Variants in ZMIZ1 observed in about 807,000 individuals in gnomAD.
The protein encoded by ZMIZ1 is zinc finger MIZ-type containing 1.
Under a neutral mutation model 113.9 loss-of-function variants are expected in ZMIZ1, and 17 were observed. That is an observed-to-expected ratio of 0.15 (90% CI 0.10 to 0.22). ZMIZ1 has a LOEUF of 0.22. Ranked by LOEUF, ZMIZ1 falls within the 10% of genes least tolerant of loss-of-function variation. The pLI is 1.00. For synonymous variants in ZMIZ1, 607 were observed against 603.1 expected (o/e 1.01, Z -0.09); for missense variants, 1,059 against 1,477.8 (o/e 0.72, Z 4.65).
chr10:79,185,492 GA>G, intron 4 of ZMIZ1, among the ~76,000 whole-genome samples: 1 of 151,706 alleles, frequency 6.6e-6, no homozygotes, highest in Admixed American at 6.6e-5. Context: ...AGCCAGAAGG[GA>G]AAGGACTTCT....
Position 79,296,325 on chromosome 10 carries a change from G to A in ZMIZ1, c.1231-146G>A, listed in dbSNP as rs1853886140. ...GCCCCTGGATGTCAGGACGAGAAGG[G>A]GCCCAAAGCATTATCTGGTTTTGTG... On this transcript the variant is annotated intron_variant, in intron 12 of 24. Transcript: ENST00000334512. This position sits in a 1 kb window ranked among gnomAD's most constrained non-coding sequence, Gnocchi z 4.1. 1.1e-6 allele frequency: 1 copy of A among 911,112 alleles called. No individual in the cohort carries two copies. The highest frequency in any genetic ancestry group is 1.7e-6 in the Non-Finnish European group (1 of 572,884). The allele number at this position is 911,112 out of a possible 1,614,324, so 56.4% of individuals were successfully genotyped here. A position where few individuals can be genotyped will look rare whatever the true frequency, so the allele number is the denominator to read the frequency against.
intron 1 of ZMIZ1, among the ~76,000 whole-genome samples, chr10:79,112,297 C>T (rs1197002591): frequency 5.9e-5 from 9 of 152,192 alleles, no homozygotes; most frequent in South Asian, 2.1e-4. Context: ...GACCCACGCT[C>T]TGCACGGGTC....
At chr10:79,075,630 T>G (rs529956641) in intron 1 of ZMIZ1, among the ~76,000 whole-genome samples, 27 of 148,958 alleles carry the variant, frequency 1.8e-4, no homozygotes, top group African/African-American at 6.8e-4. Context: ...TGCACACACA[T>G]GCACACACTG....
chr10:79,231,301 G>A (rs188493505), intron 7 of ZMIZ1, among the ~76,000 whole-genome samples: 2 of 152,386 alleles, frequency 1.3e-5, no homozygotes, highest in South Asian at 2.1e-4. Flanking sequence ...AGGCTGGAGT[G>A]CAATGGCGCG....
At chr10:79,085,784 C>T (rs1010871668) in intron 1 of ZMIZ1, among the ~76,000 whole-genome samples, 1 of 152,230 alleles carries the variant, frequency 6.6e-6, no homozygotes, top group Non-Finnish European at 1.5e-5. Flanking sequence ...AGAAGTGCCT[C>T]TCCCTCTGTT....
At chr10:79,238,308 G>A (rs1220878876) in intron 7 of ZMIZ1, among the ~76,000 whole-genome samples, 1 of 152,172 alleles carries the variant, frequency 6.6e-6, no homozygotes, top group Non-Finnish European at 1.5e-5. Context: ...GATTTGGGTG[G>A]AAGCCAAATG....
At chr10:79,132,391 G>T (rs896789384) in intron 2 of ZMIZ1, among the ~76,000 whole-genome samples, 1 of 152,160 alleles carries the variant, frequency 6.6e-6, no homozygotes, top group Non-Finnish European at 1.5e-5. Flanking sequence ...CCAGGTCCTC[G>T]TGCAGGTGTC....
At chr10:79,138,393 G>C (rs1036195219) in intron 2 of ZMIZ1, among the ~76,000 whole-genome samples, 3 of 152,258 alleles carry the variant, frequency 2.0e-5, no homozygotes, top group African/African-American at 7.2e-5. Context: ...GAGTGAACCA[G>C]AGGCCTCAGA....
chr10:79,307,152 G>A (rs1010301194), intron 22 of ZMIZ1, among the ~76,000 whole-genome samples: 2 of 151,972 alleles, frequency 1.3e-5, no homozygotes, highest in East Asian at 1.9e-4. Flanking sequence ...AGCCTGGCCC[G>A]CCCCCTTTGT....
rs143390082 is a variant in ZMIZ1, at chr10:79,074,008, G to A, written c.-337+4738G>A. On this transcript the variant is annotated intron_variant, in intron 1 of 24. Coordinates refer to ENST00000334512, the MANE Select transcript of ZMIZ1 (RefSeq NM_020338.4). ...AATAAATAATTAACCGCTACCAGCT[G>A]GCTGCCTGCCACGGGCGCGTGATGA... Among the ~76,000 whole-genome samples, 89 of 152,336 alleles carry A rather than the reference G, an allele frequency of 5.8e-4. 2 individuals are homozygous for A. The East Asian group carries it at 0.015, about 26-fold the overall frequency.
intron 3 of ZMIZ1, among the ~76,000 whole-genome samples, chr10:79,152,610 G>A (rs963001167): frequency 1.3e-5 from 2 of 152,262 alleles, no homozygotes; most frequent in Admixed American, 6.5e-5. Flanking sequence ...GGCCTCAGAC[G>A]GGCTGCTTTC....
intron 7 of ZMIZ1, among the ~76,000 whole-genome samples, chr10:79,240,574 G>T (rs1377161040): frequency 2.0e-5 from 3 of 150,418 alleles, no homozygotes; most frequent in African/African-American, 7.4e-5. Context: ...CGTGCAGTCT[G>T]GTGAATGGAT....
intron 2 of ZMIZ1, among the ~76,000 whole-genome samples, chr10:79,127,215 C>T (rs1844553755): frequency 6.6e-6 from 1 of 152,208 alleles, no homozygotes; most frequent in African/African-American, 2.4e-5. Context: ...TGCCGGCGCT[C>T]TGGGTGCCTG....
At chr10:79,303,830 G>T (rs1854503847) in intron 18 of ZMIZ1, among the ~76,000 whole-genome samples, 185 bp from the exon 19 acceptor site, 1 of 152,254 alleles carries the variant, frequency 6.6e-6, no homozygotes, top group Admixed American at 6.5e-5. Flanking sequence ...GGAGACAGCA[G>T]CCCGGGCACC....
chr10:79,310,651 G>C (rs1442094776), intron 23 of ZMIZ1, among the ~76,000 whole-genome samples: 1 of 152,086 alleles, frequency 6.6e-6, no homozygotes, highest in Non-Finnish European at 1.5e-5. Flanking sequence ...AGCTCCCCGT[G>C]TCTGTGCTTG....
chr10:79,070,836 GCCTC>G (rs34754058), intron 1 of ZMIZ1, among the ~76,000 whole-genome samples: 4 of 150,074 alleles, frequency 2.7e-5, no homozygotes, highest in Admixed American at 6.7e-5. Context: ...CTGCCCGCCT[GCCTC>G]CCTCCCTCCC....
Position 79,081,884 on chromosome 10 carries a change from A to G in ZMIZ1, c.-337+12614A>G, listed in dbSNP as rs117001712. 8.0e-4 allele frequency among the ~76,000 whole-genome samples: 122 copies of G among 152,316 alleles called. 3 individuals carry two copies. The East Asian group carries it at 0.022, about 27-fold the overall frequency. On this transcript the variant is annotated intron_variant, in intron 1 of 24. Transcript: ENST00000334512. ...GTGTAATGTTTCATTACCATGTGCA[A>G]TGATGGTAATGGCAGCACAGAAAGG...
intron 1 of ZMIZ1, among the ~76,000 whole-genome samples, chr10:79,087,057 C>T (rs1250003): frequency 0.71 from 107,693 of 152,258 alleles, 39,381 homozygotes; most frequent in African/African-American, 0.91. Context: ...GTGTGTTAGA[C>T]TAGATTTTAT....
intron 1 of ZMIZ1, among the ~76,000 whole-genome samples, chr10:79,099,610 TGA>T (rs1285963212): frequency 6.6e-6 from 1 of 152,166 alleles, no homozygotes; most frequent in Non-Finnish European, 1.5e-5. Flanking sequence ...CAAACCTCCC[TGA>T]GCCTCCATGC....
Sources: gnomAD v4.1 joint callset for allele counts (sites outside exome capture counted in the v4.1 genomes callset) on GRCh38, gnomAD v4.1.1 for gene constraint, Gnocchi (gnomAD v3.1) non-coding constraint, MANE v1.5 for transcripts, NCBI Gene and HGNC (gene_info 2026-07-23, HGNC 2026-07-21) for gene names.